Variants in SEC14L3 observed in about 807,000 individuals in gnomAD.
The protein encoded by SEC14L3 is SEC14-like protein 3.
A neutral mutation model predicts 57.4 loss-of-function variants in SEC14L3; 56 were observed. The ratio of observed to expected loss-of-function variants is 0.97; its 90% confidence interval spans 0.79 to 1.22. The LOEUF (loss-of-function observed/expected upper bound fraction) is 1.22. SEC14L3 is among the 50% of genes most tolerant of loss of function. SEC14L3 has a pLI of 0.00. For missense variants in SEC14L3, 485 were observed against 511.7 expected, an observed-to-expected ratio of 0.95 and a Z score of 0.50; for synonymous variants, 173 against 194.4, an observed-to-expected ratio of 0.89 and a Z score of 0.92.
chr22:30,452,717 C>CCT (rs1935011934), intron 12 of SEC14L3, among the ~76,000 whole-genome samples: 1 of 131,644 alleles, frequency 7.6e-6, no homozygotes, highest in African/African-American at 2.7e-5. Flanking sequence ...TTCTTTCTTT[C>CCT]TTTTTTTTTT....
In SEC14L3 at chr22:30,468,540, T is replaced by G; in HGVS notation, c.391A>C (p.Ile131Leu). 1 of 1,613,832 alleles carries G rather than the reference T, an allele frequency of 6.2e-7. No individual in the cohort carries two copies. ...GTCTGCAGGTCACACTCATGCAGGA[T>G]GCGCTCACAGTCCCTCATCTTGGTC... The part of the protein sequence containing the change: ...LKTKMRDCER[I>L]LHECDLQTER... The change falls in exon 5 of 12, where the codon ATC (isoleucine) becomes CTC (leucine). Residue 131 changes from isoleucine to leucine, a missense_variant. By Grantham distance (5) the Ile-to-Leu change is conservative. Coordinates refer to ENST00000215812, the MANE Select transcript of SEC14L3 (RefSeq NM_174975.5).
At chr22:30,463,353 C>T (rs1935326072) in intron 8 of SEC14L3, among the ~76,000 whole-genome samples, 1 of 152,144 alleles carries the variant, frequency 6.6e-6, no homozygotes, top group Non-Finnish European at 1.5e-5. Context: ...GTCCCCCAAC[C>T]CCCTCACTTT....
downstream of SEC14L3, chr22:30,459,162 G>T: frequency 1.5e-6 from 1 of 650,566 alleles, no homozygotes; most frequent in Non-Finnish European, 1.9e-6. Flanking sequence ...GATGGCATGA[G>T]AATAAAACAT....
chr22:30,462,302 C>T, intron 8 of SEC14L3, 110 bp from the exon 9 acceptor site: 1 of 1,449,090 alleles, frequency 6.9e-7, no homozygotes, highest in Non-Finnish European at 9.1e-7. Flanking sequence ...AGGAGGTAGG[C>T]TGCCAGGACC....
chr22:30,461,089 G>T (rs1339751286), intron 11 of SEC14L3, among the ~76,000 whole-genome samples: 2 of 152,166 alleles, frequency 1.3e-5, no homozygotes, highest in Non-Finnish European at 2.9e-5. Flanking sequence ...TGGTCCAGGT[G>T]TCCCCAATTC....
chr22:30,471,949 G>A lies in SEC14L3; in HGVS notation c.10C>T (p.Arg4Ter), dbSNP rs370892041. The A allele has an allele frequency of 5.2e-5, 83 of 1,608,274 alleles. No individual in the cohort carries two copies. The highest frequency in any genetic ancestry group is 1.7e-4 in the South Asian group (15 of 90,484). MSG[R>*]VGDLSPKQAE... is the part of the protein sequence containing the mutation. ...TGTTTGGGGCTCAGGTCTCCAACTC[G>A]GCCGCTCATGGTGCTGGCTGGGGCT... Residue 4 changes from arginine to a stop codon, truncating the protein, a stop_gained, in exon 1 of 12, where the codon CGA becomes TGA. Transcript: ENST00000215812. LOFTEE classifies it high-confidence loss of function.
chr22:30,454,745 T>TATTATA (rs1569225188), downstream of SEC14L3, among the ~76,000 whole-genome samples: 2 of 42,840 alleles, frequency 4.7e-5, no homozygotes, highest in South Asian at 1.3e-3. Context: ...TATAATAATA[T>TATTATA]TATTATATAT....
chr22:30,461,567 C>G lies in SEC14L3; in HGVS notation c.899G>C (p.Gly300Ala), dbSNP rs995584252. The G allele has an allele frequency of 6.5e-5, 105 of 1,613,954 alleles. No homozygotes were observed. Among genetic ancestry groups the G allele is most frequent in the Non-Finnish European group, 8.9e-5 (105 of 1,180,034 alleles). Residue 300 changes from glycine (G) to alanine (A), a missense_variant, in exon 10 of 12, where the codon GGC (glycine) becomes GCC (alanine). Transcript: ENST00000215812. ...HQVEYEILFP[G>A]CVLRWQFSSD... ...GGCCTGCCCCTACCTGAGAACGCAG[C>G]CTGGAAATAGGATCTCGTATTCCAC...
At chr22:30,447,700 C>T (rs1934904479), downstream of SEC14L3, among the ~76,000 whole-genome samples, 1 of 152,200 alleles carries the variant, frequency 6.6e-6, no homozygotes, top group East Asian at 1.9e-4. Context: ...TGGTTTACAA[C>T]TCTTACTAGT....
downstream of SEC14L3, among the ~76,000 whole-genome samples, chr22:30,457,382 T>C (rs1015223624): frequency 0.25 from 7,275 of 29,148 alleles, 330 homozygotes; most frequent in East Asian, 0.45. Flanking sequence ...TATGTCTTTT[T>C]TTTTTTTTTT....
chr22:30,463,015 A>T (rs958406773), intron 8 of SEC14L3, among the ~76,000 whole-genome samples: 1 of 152,122 alleles, frequency 6.6e-6, no homozygotes, highest in Non-Finnish European at 1.5e-5. Flanking sequence ...GATTACAGGC[A>T]TGAGCCACCA....
Position 30,468,691 on chromosome 22 carries a change from G to A in SEC14L3, c.240C>T (p.Ile80=), listed in dbSNP as rs1351284573. The A allele has an allele frequency of 1.2e-6, 2 of 1,613,514 alleles. No homozygotes were observed. Among genetic ancestry groups the A allele is most frequent in the Non-Finnish European group, 8.5e-7 (1 of 1,179,664 alleles). ...HILDWQPPEV[I]QKYMPGGLCG... ...ACAGGCCCCCAGGCATGTACTTCTG[G>A]ATCACCTGGGCATGAAAAGATGCAC... is the stretch of plus-strand genomic sequence containing the variant. The change falls in exon 5 of 12, where the codon ATC becomes ATT. Residue 80 remains isoleucine (I), a synonymous_variant. Transcript: ENST00000215812.
rs1341642757 is a variant in SEC14L3 at position 30,459,379 on chromosome 22, C to T, written c.*642G>A. ...CAGACAAAGCCTGATGTAGGCAGCT[C>T]CTATCAGAGGCATGTGGCCTTTGTG... is the stretch of plus-strand genomic sequence containing the variant. On this transcript the variant is annotated 3_prime_UTR_variant, in exon 12 of 12. Transcript: ENST00000215812. The T allele has an allele frequency of 7.1e-6, 7 of 985,346 alleles. No individual in the cohort carries two copies. The highest frequency in any genetic ancestry group is 5.2e-4 in the Middle Eastern group (1 of 1,936). The allele number at this position is 985,346 out of a possible 1,614,324, so 61.0% of individuals were successfully genotyped here.
chr22:30,468,831 T>C (rs768253729), intron 4 of SEC14L3, 135 bp from the exon 5 acceptor site: 44 of 1,566,374 alleles, frequency 2.8e-5, no homozygotes, highest in Non-Finnish European at 3.7e-5. Flanking sequence ...GACAGTGCTA[T>C]TGTCTCAGGT....
chr22:30,455,218 A>AT (rs1935099194), downstream of SEC14L3, among the ~76,000 whole-genome samples: 3 of 123,956 alleles, frequency 2.4e-5, no homozygotes, highest in African/African-American at 9.1e-5. Flanking sequence ...TAAATATTAA[A>AT]TAATATAATA....
chr22:30,457,066 C>T (rs1414362255), downstream of SEC14L3, among the ~76,000 whole-genome samples: 1 of 152,218 alleles, frequency 6.6e-6, no homozygotes, highest in East Asian at 1.9e-4. Context: ...AGGGTCCACA[C>T]TCTCTACCTC....
intron 5 of SEC14L3, among the ~76,000 whole-genome samples, chr22:30,467,631 C>T (rs949257659): frequency 6.6e-5 from 10 of 152,014 alleles, no homozygotes; most frequent in African/African-American, 1.2e-4. Context: ...TTAACCCAGG[C>T]GGGGGACTCA....
rs1013325709 is a variant in SEC14L3, at chr22:30,466,442, C to T, written c.520-48G>A. On this transcript the variant is annotated intron_variant, in intron 6 of 11. Coordinates refer to ENST00000215812, the MANE Select transcript of SEC14L3 (RefSeq NM_174975.5). ...TTCAGAGAGCACATCACATCTTCTC[C>T]TACCTCCATCTCCTGTGCAATCTCC... 11 of 1,613,342 alleles carry T rather than the reference C, an allele frequency of 6.8e-6. No individual in the cohort carries two copies. The South Asian group carries it at 9.9e-5, about 15-fold the overall frequency.
At chr22:30,450,001 T>C (rs968714515) in intron 12 of SEC14L3, among the ~76,000 whole-genome samples, 1 of 152,132 alleles carries the variant, frequency 6.6e-6, no homozygotes, top group Non-Finnish European at 1.5e-5. Context: ...GGCTTCCTGA[T>C]GTCAGTTGCT....
Sources: allele counts gnomAD v4.1 joint callset (sites outside exome capture counted in the v4.1 genomes callset), GRCh38; gene constraint gnomAD v4.1.1; transcripts MANE v1.5; gene names NCBI Gene and HGNC (gene_info 2026-07-23, HGNC 2026-07-21).